GLIS3: variants seen among roughly 807,000 people sequenced by gnomAD.
GLIS3 encodes GLIS family zinc finger 3, also known as zinc finger protein GLIS3.
Under a neutral mutation model 78.6 loss-of-function variants are expected in GLIS3, and 53 were observed. The observed-to-expected ratio is 0.67, with a 90% confidence interval of 0.54 to 0.85. GLIS3 has a LOEUF of 0.85. GLIS3 is among the 40% of genes least tolerant of loss of function. GLIS3 has a pLI of 0.00. For missense variants in GLIS3, 1,703 were observed against 1,231.1 expected, an observed-to-expected ratio of 1.38 and a Z score of -5.74; for synonymous variants, 684 against 509.9, an observed-to-expected ratio of 1.34 and a Z score of -4.60.
chr9:4,275,727 C>T (rs972697319), intron 2 of GLIS3, among the ~76,000 whole-genome samples: 8 of 152,076 alleles, frequency 5.3e-5, no homozygotes, highest in African/African-American at 1.7e-4. Context: ...CGTGCTACTG[C>T]ACTCTGGCCT....
At chr9:3,988,203 T>TA (rs936926684) in intron 4 of GLIS3, among the ~76,000 whole-genome samples, 21 of 150,762 alleles carry the variant, frequency 1.4e-4, no homozygotes, top group Non-Finnish European at 7.4e-5. Context: ...ATGAAAAAAA[T>TA]AAAAAAATAA....
At chr9:4,373,993 T>C in the GLIS3 span, among the ~76,000 whole-genome samples, 1 of 152,164 alleles carries the variant, frequency 6.6e-6, no homozygotes, top group Non-Finnish European at 1.5e-5. Flanking sequence ...ACTGTGACTA[T>C]TGAACAATTT....
chr9:4,195,289 G>A (rs1013962272), intron 2 of GLIS3, among the ~76,000 whole-genome samples: 1 of 152,228 alleles, frequency 6.6e-6, no homozygotes, highest in African/African-American at 2.4e-5. Context: ...CTTGCAGGGA[G>A]GTGTGGAGGG....
At chr9:3,985,358 G>A (rs1819653806) in intron 4 of GLIS3, among the ~76,000 whole-genome samples, 1 of 152,118 alleles carries the variant, frequency 6.6e-6, no homozygotes, top group Middle Eastern at 3.2e-3. Context: ...GTGTTGCCCA[G>A]GCTGGTCTCA....
At chr9:4,417,834 G>C in the GLIS3 span, among the ~76,000 whole-genome samples, 1 of 152,138 alleles carries the variant, frequency 6.6e-6, no homozygotes, top group Non-Finnish European at 1.5e-5. Flanking sequence ...TGACTTTAAA[G>C]TGAGTTTTAG....
At chr9:4,018,268 G>C (rs959552950) in intron 4 of GLIS3, among the ~76,000 whole-genome samples, 1 of 152,206 alleles carries the variant, frequency 6.6e-6, no homozygotes, top group African/African-American at 2.4e-5. Flanking sequence ...GTGAGGTTTA[G>C]AAATAACTTC....
chr9:4,443,527 G>A, the GLIS3 span, among the ~76,000 whole-genome samples: 4 of 152,116 alleles, frequency 2.6e-5, no homozygotes, highest in African/African-American at 7.2e-5. Context: ...CAGAAAGAAC[G>A]ATCAAGGGAA....
intron 6 of GLIS3, among the ~76,000 whole-genome samples, chr9:3,931,278 C>A (rs1231168418): frequency 5.9e-5 from 9 of 151,656 alleles, no homozygotes; most frequent in Non-Finnish European, 1.5e-5. Flanking sequence ...TAACACTTCT[C>A]AAGGAAGAAA....
At chr9:3,882,886 T>G (rs1224103908) in intron 7 of GLIS3, among the ~76,000 whole-genome samples, 1 of 152,194 alleles carries the variant, frequency 6.6e-6, no homozygotes, top group Non-Finnish European at 1.5e-5. Context: ...AAATCTTACT[T>G]CTGGTGAGAA....
intron 2 of GLIS3, among the ~76,000 whole-genome samples, chr9:4,219,069 A>G (rs1198809354): frequency 6.6e-6 from 1 of 152,260 alleles, no homozygotes; most frequent in African/African-American, 2.4e-5. Context: ...TAGAACAGAA[A>G]GCAATGACTG....
intron 2 of GLIS3, among the ~76,000 whole-genome samples, chr9:4,257,069 G>C (rs908388817): frequency 2.0e-5 from 3 of 152,020 alleles, no homozygotes; most frequent in Admixed American, 2.0e-4. Flanking sequence ...GTGTACATAT[G>C]TATGTGTACA....
At chr9:4,004,442 C>T (rs557641308) in intron 4 of GLIS3, among the ~76,000 whole-genome samples, 9 of 152,182 alleles carry the variant, frequency 5.9e-5, no homozygotes, top group African/African-American at 1.4e-4. Context: ...GGCTGGGGAA[C>T]GAGTTAACAG....
intron 4 of GLIS3, among the ~76,000 whole-genome samples, chr9:4,048,017 G>C (rs1825397307): frequency 6.6e-6 from 1 of 152,134 alleles, no homozygotes; most frequent in Admixed American, 6.6e-5. Flanking sequence ...GCAAGACTCA[G>C]GGCTTAGGCA....
intron 2 of GLIS3, among the ~76,000 whole-genome samples, chr9:4,328,461 C>A (rs1403286859): frequency 6.6e-6 from 1 of 152,212 alleles, no homozygotes; most frequent in African/African-American, 2.4e-5. Context: ...CTGCTCCCAC[C>A]TTTTCACCAG....
the GLIS3 span, among the ~76,000 whole-genome samples, chr9:4,447,173 A>G: frequency 6.6e-6 from 1 of 152,004 alleles, no homozygotes. Context: ...TTAGCCTCCC[A>G]AGTAGCTGGG....
chr9:4,162,400 A>G (rs1835553467), intron 2 of GLIS3, among the ~76,000 whole-genome samples: 1 of 152,174 alleles, frequency 6.6e-6, no homozygotes, highest in Admixed American at 6.5e-5. Flanking sequence ...CTCAGCCAGT[A>G]TCCTTTCAAT....
chr9:4,190,755 T>G (rs184657990), intron 2 of GLIS3, among the ~76,000 whole-genome samples: 109 of 151,980 alleles, frequency 7.2e-4, no homozygotes, highest in African/African-American at 2.3e-3. Context: ...TTGAAATGAA[T>G]GAAAAAAATG....
chr9:4,205,605 A>C (rs1819805631), intron 2 of GLIS3, among the ~76,000 whole-genome samples: 1 of 152,214 alleles, frequency 6.6e-6, no homozygotes, highest in Non-Finnish European at 1.5e-5. Context: ...GGAGGAGCTG[A>C]AGGATGAAGC....
At chr9:4,353,085 C>G (rs79823262), upstream of GLIS3, among the ~76,000 whole-genome samples, 736 of 152,270 alleles carry the variant, frequency 4.8e-3, 9 homozygotes, top group African/African-American at 0.017. Flanking sequence ...TCTCAAGACT[C>G]AGCCGTGTCT....
Sources: allele counts gnomAD v4.1 joint callset (sites outside exome capture counted in the v4.1 genomes callset), GRCh38; gene constraint gnomAD v4.1.1; transcripts MANE v1.5; gene names NCBI Gene and HGNC (gene_info 2026-07-23, HGNC 2026-07-21).